CDRT4: variants seen among roughly 807,000 people sequenced by gnomAD.
CDRT4 encodes CMT1A duplicated region transcript 4 protein.
For synonymous variants in CDRT4, 64 were observed against 69.6 expected (o/e 0.92, Z 0.40); for missense variants, 167 against 193.1 (o/e 0.87, Z 0.80).
intron 2 of CDRT4, among the ~76,000 whole-genome samples, chr17:15,446,170 A>C (rs1007878604): frequency 2.0e-5 from 3 of 151,816 alleles, no homozygotes; most frequent in Non-Finnish European, 4.4e-5. Flanking sequence ...AGACCCACAA[A>C]ACTGCCCATC....
intron 1 of CDRT4, among the ~76,000 whole-genome samples, chr17:15,458,572 C>G (rs941167521): frequency 6.6e-6 from 1 of 152,186 alleles, no homozygotes; most frequent in African/African-American, 2.4e-5. Context: ...GCCCAAGAAA[C>G]AAACCACTAA....
chr17:15,444,502 A>T (rs1419763396), intron 2 of CDRT4, among the ~76,000 whole-genome samples: 1 of 152,212 alleles, frequency 6.6e-6, no homozygotes, highest in Non-Finnish European at 1.5e-5. Flanking sequence ...CTGCTGTTCT[A>T]GAATCTAAAA....
intron 3 of CDRT4, chr17:15,439,122 T>G (rs1382318699): frequency 1.1e-5 from 5 of 456,130 alleles, no homozygotes; most frequent in South Asian, 7.7e-5. Flanking sequence ...GCAGAAATGA[T>G]TCAATTTCTC....
chr17:15,449,411 A>G (rs1446932371), intron 2 of CDRT4, among the ~76,000 whole-genome samples: 1 of 152,248 alleles, frequency 6.6e-6, no homozygotes, highest in Non-Finnish European at 1.5e-5. Context: ...ATTTGCCCTC[A>G]GGCAGTCTAG....
chr17:15,458,207 T>C (rs1979575175), intron 1 of CDRT4, among the ~76,000 whole-genome samples: 1 of 152,192 alleles, frequency 6.6e-6, no homozygotes, highest in African/African-American at 2.4e-5. Context: ...CTGTTTCCTC[T>C]GGCTCTGGAG....
At chr17:15,447,190 C>T (rs1979066264) in intron 2 of CDRT4, among the ~76,000 whole-genome samples, 1 of 152,224 alleles carries the variant, frequency 6.6e-6, no homozygotes, top group Non-Finnish European at 1.5e-5. Context: ...CATGTTCCAT[C>T]AACCACTCTG....
intron 1 of CDRT4, among the ~76,000 whole-genome samples, chr17:15,453,793 G>A (rs1979367810): frequency 6.6e-6 from 1 of 152,170 alleles, no homozygotes; most frequent in Non-Finnish European, 1.5e-5. Context: ...ACTTAGCTGC[G>A]TGACCAGGAA....
chr17:15,438,261 C>A (rs954778721), intron 3 of CDRT4, 61 bp from the exon 4 acceptor site: 64 of 1,528,694 alleles, frequency 4.2e-5, no homozygotes, highest in Non-Finnish European at 5.0e-5. Context: ...CTTGATTCTT[C>A]AAAAAATGGG....
At position 15,440,424 on chromosome 17, in the gene CDRT4, T is replaced by C. The variant is rs992720895; in HGVS notation, c.-47-139A>G. ...GACTCCACCCCCTGAGAAGAGGACA[T>C]GTTTTTTGTGGAGCTGGAGACAGGC... On this transcript the variant is annotated intron_variant, in intron 2 of 3. Transcript: ENST00000619038. The C allele has an allele frequency of 4.0e-6, 4 of 997,344 alleles. No individual in the cohort carries two copies. In the South Asian group the frequency reaches 4.9e-5, roughly 12 times the overall value. The allele number at this position is 997,344 out of a possible 1,614,324, so 61.8% of individuals were successfully genotyped here. A position where few individuals can be genotyped will look rare whatever the true frequency, so the allele number is the denominator to read the frequency against.
At chr17:15,457,038 A>G (rs2150796106) in intron 1 of CDRT4, among the ~76,000 whole-genome samples, 1 of 152,186 alleles carries the variant, frequency 6.6e-6, no homozygotes, top group East Asian at 1.9e-4. Context: ...TGCACTAGGG[A>G]CGAGCCCTTC....
At chr17:15,453,889 C>A (rs1979371795) in intron 1 of CDRT4, among the ~76,000 whole-genome samples, 1 of 152,116 alleles carries the variant, frequency 6.6e-6, no homozygotes, top group Admixed American at 6.6e-5. Flanking sequence ...CTTGGAGTGC[C>A]ATGAGGATTT....
At chr17:15,438,679 G>A (rs1450097570) in intron 3 of CDRT4, among the ~76,000 whole-genome samples, 1 of 152,142 alleles carries the variant, frequency 6.6e-6, no homozygotes, top group African/African-American at 2.4e-5. Flanking sequence ...AACTTCAAGT[G>A]CTTAATCTGT....
At chr17:15,455,977 T>C (rs749967051) in intron 1 of CDRT4, among the ~76,000 whole-genome samples, 20 of 152,138 alleles carry the variant, frequency 1.3e-4, no homozygotes, top group Admixed American at 6.5e-5. Context: ...GAGTGCTTTG[T>C]TACCCACCAA....
chr17:15,458,440 C>T (rs1485005652), intron 1 of CDRT4, among the ~76,000 whole-genome samples: 3 of 152,024 alleles, frequency 2.0e-5, no homozygotes, highest in Non-Finnish European at 4.4e-5. Flanking sequence ...TAGGAACGTT[C>T]AAGGAGAAGA....
chr17:15,466,292 T>G (rs1980039046), intron 1 of CDRT4, among the ~76,000 whole-genome samples: 2 of 151,984 alleles, frequency 1.3e-5, no homozygotes, highest in Admixed American at 1.3e-4. Context: ...GCACAAACAG[T>G]GGGCTTCGGG....
intron 2 of CDRT4, among the ~76,000 whole-genome samples, chr17:15,441,751 GCT>G: frequency 6.6e-6 from 1 of 152,270 alleles, no homozygotes; most frequent in South Asian, 2.1e-4. Context: ...CCAAAAAAAT[GCT>G]CTTTTTGTCA....
chr17:15,465,292 AC>A (rs1979974201), intron 1 of CDRT4, among the ~76,000 whole-genome samples: 2 of 107,470 alleles, frequency 1.9e-5, no homozygotes, highest in East Asian at 7.3e-4. Context: ...ACACACCAAC[AC>A]CAGACACACC....
chr17:15,442,325 A>T lies in CDRT4; in HGVS notation c.-47-2040T>A, dbSNP rs147597868. On this transcript the variant is annotated intron_variant, in intron 2 of 3. Transcript: ENST00000619038. ...CTCAGGAGGCTGAGGCAGAAGAGTC[A>T]CTTGAACCCAGGAGGCGGAGGTTGC... is the stretch of plus-strand genomic sequence containing the variant. 5.9e-3 allele frequency among the ~76,000 whole-genome samples: 890 copies of T among 151,818 alleles called. 5 individuals carry two copies. Among genetic ancestry groups the T allele is most frequent in the African/African-American group, 0.021 (856 of 41,364 alleles).
At chr17:15,459,175 C>CT (rs924585371) in intron 1 of CDRT4, among the ~76,000 whole-genome samples, 2 of 152,164 alleles carry the variant, frequency 1.3e-5, no homozygotes, top group Non-Finnish European at 2.9e-5. Flanking sequence ...AGTTTGGCCA[C>CT]TGTTTCATGG....
Sources: gnomAD v4.1 joint callset for allele counts (sites outside exome capture counted in the v4.1 genomes callset) on GRCh38, gnomAD v4.1.1 for gene constraint, MANE v1.5 for transcripts, NCBI Gene and HGNC (gene_info 2026-07-23, HGNC 2026-07-21) for gene names.